Variants in PCBP3 observed in about 807,000 individuals in gnomAD.
PCBP3 encodes the protein poly(rC) binding protein 3, also known as poly(rC)-binding protein 3.
In PCBP3, 25 loss-of-function variants were observed where a neutral mutation model predicts 52.7. That is an observed-to-expected ratio of 0.47 (90% CI 0.35 to 0.66). The LOEUF is 0.66. Among genes scored for constraint, PCBP3 ranks in the 30% least tolerant of loss-of-function variants. PCBP3 has a pLI of 0.01. For missense variants in PCBP3, 391 were observed against 490.3 expected (o/e 0.80, Z 1.91); for synonymous variants, 162 against 183.0 (o/e 0.89, Z 0.93).
intron 4 of PCBP3, among the ~76,000 whole-genome samples, chr21:45,770,275 T>C (rs1000623137): frequency 5.9e-5 from 9 of 152,260 alleles, no homozygotes; most frequent in African/African-American, 2.2e-4. Flanking sequence ...CTAGACTTTA[T>C]CTAAAGCTAT....
rs1466741394 is a variant in PCBP3 at position 45,880,727 on chromosome 21, G to T, written c.11-15481G>T. 6.6e-6 allele frequency among the ~76,000 whole-genome samples: 1 copy of T among 152,156 alleles called. No homozygotes were observed. Among genetic ancestry groups the T allele is most frequent in the Non-Finnish European group, 1.5e-5 (1 of 68,042 alleles). On this transcript the variant is annotated intron_variant, in intron 5 of 17. Transcript: ENST00000681687. The surrounding 1 kb of genome is among the most constrained non-coding windows in gnomAD (Gnocchi z 5.4). ...CAGGGCCAGGAGAGACGGGGTTGTA[G>T]GTACAGCCTGGTAGGCAATACCCTC...
At chr21:45,770,824 G>A (rs2089805063) in intron 4 of PCBP3, among the ~76,000 whole-genome samples, 1 of 152,224 alleles carries the variant, frequency 6.6e-6, no homozygotes, top group Non-Finnish European at 1.5e-5. Context: ...AGCCTCTGCA[G>A]CCATGTATCC....
chr21:45,655,288 G>A (rs182855338), intron 1 of PCBP3, among the ~76,000 whole-genome samples: 2 of 151,520 alleles, frequency 1.3e-5, no homozygotes, highest in East Asian at 2.0e-4. Flanking sequence ...ATTGTTTCCC[G>A]AAGATGCTGC....
intron 2 of PCBP3, among the ~76,000 whole-genome samples, chr21:45,683,096 C>T (rs1007752702): frequency 6.6e-6 from 1 of 152,002 alleles, no homozygotes; most frequent in African/African-American, 2.4e-5. Context: ...GAGGTATATC[C>T]TAGAAGCCAA....
At position 45,691,456 on chromosome 21, in the gene PCBP3, ATGTGTG is replaced by A. The variant is rs60311432; in HGVS notation, c.-200+22520_-200+22525del. 1.6e-3 allele frequency among the ~76,000 whole-genome samples: 227 copies of A among 142,362 alleles called. 1 individual carries two copies. The highest frequency in any genetic ancestry group is 3.3e-3 in the African/African-American group (125 of 38,102). The allele number at this position is 142,362 out of a possible 152,430, so 93.4% of individuals were successfully genotyped here. A position where few individuals can be genotyped will look rare whatever the true frequency, so the allele number is the denominator to read the frequency against. ...ATATATCATATATATGTATGTATGT[ATGTGTG>A]TGTGTGTGTGTGTGTATATACATCA... On this transcript the variant is annotated intron_variant, in intron 2 of 17. Coordinates refer to ENST00000681687, the MANE Select transcript of PCBP3 (RefSeq NM_001384156.1).
chr21:45,831,716 A>AGTTT (rs1020540895), intron 4 of PCBP3, among the ~76,000 whole-genome samples: 4 of 151,650 alleles, frequency 2.6e-5, no homozygotes, highest in Non-Finnish European at 4.4e-5. Context: ...TTAGTTAGTT[A>AGTTT]GTTTGTTTAT....
intron 5 of PCBP3, among the ~76,000 whole-genome samples, chr21:45,873,652 C>T (rs2095128201): frequency 1.3e-5 from 2 of 152,214 alleles, no homozygotes; most frequent in Admixed American, 1.3e-4. Flanking sequence ...ATTTTATTCA[C>T]CTGCCCGTGC....
intron 4 of PCBP3, among the ~76,000 whole-genome samples, chr21:45,816,827 C>G (rs2092979269): frequency 6.6e-6 from 1 of 151,492 alleles, no homozygotes; most frequent in African/African-American, 2.4e-5. Context: ...GTAACACCAT[C>G]GTTTATTATC....
In PCBP3 at chr21:45,781,294, T is replaced by C. The variant is rs1052424555; in HGVS notation, c.-126+25842T>C. On this transcript the variant is annotated intron_variant, in intron 4 of 17. Coordinates refer to ENST00000681687, the MANE Select transcript of PCBP3 (RefSeq NM_001384156.1). ...AATCACATATCTAATGTATCTAACA[T>C]GTGTAAAGAACTCTTAAAATGCAGT... 2.6e-5 allele frequency among the ~76,000 whole-genome samples: 4 copies of C among 152,236 alleles called. No homozygotes were observed. The South Asian group carries it at 8.3e-4, about 32-fold the overall frequency.
intron 1 of PCBP3, among the ~76,000 whole-genome samples, chr21:45,648,866 A>G (rs765314738): frequency 6.6e-6 from 1 of 152,176 alleles, no homozygotes; most frequent in Non-Finnish European, 1.5e-5. Context: ...GAAGTTCTTT[A>G]CATATTCTGG....
chr21:45,794,133 T>G, intron 4 of PCBP3, among the ~76,000 whole-genome samples: 1 of 152,132 alleles, frequency 6.6e-6, no homozygotes, highest in East Asian at 1.9e-4. Flanking sequence ...AACTTCAGGG[T>G]TTTTTTCAGG....
At chr21:45,870,722 T>C (rs1053494174) in intron 5 of PCBP3, 2 of 152,712 alleles carry the variant, frequency 1.3e-5, no homozygotes, top group Admixed American at 6.5e-5. Flanking sequence ...CACGCGACCG[T>C]GGGCCAAGCC....
intron 4 of PCBP3, among the ~76,000 whole-genome samples, chr21:45,785,222 C>T (rs375395214): frequency 9.9e-5 from 15 of 151,686 alleles, no homozygotes; most frequent in Middle Eastern, 3.4e-3. Context: ...CCCCTCCGCC[C>T]GGCAGCCACC....
At chr21:45,896,888 C>T (rs9979849) in intron 6 of PCBP3, among the ~76,000 whole-genome samples, 4,160 of 26,140 alleles carry the variant, frequency 0.16, 197 homozygotes, top group East Asian at 0.38. Flanking sequence ...CACATAGAAC[C>T]GGAGATGCAC....
intron 5 of PCBP3, among the ~76,000 whole-genome samples, chr21:45,854,798 T>G (rs1181518440): frequency 6.6e-6 from 1 of 152,204 alleles, no homozygotes; most frequent in East Asian, 1.9e-4. Context: ...AGATGCTCTT[T>G]GATGAGACTG....
In PCBP3 at chr21:45,875,060, C is replaced by G. The variant is rs115913203; in HGVS notation, c.11-21148C>G. Among the ~76,000 whole-genome samples, 1,414 of 152,370 alleles carry G rather than the reference C, an allele frequency of 9.3e-3. 22 individuals are homozygous for G. Among genetic ancestry groups the G allele is most frequent in the African/African-American group, 0.032 (1,339 of 41,602 alleles). On this transcript the variant is annotated intron_variant, in intron 5 of 17. Coordinates refer to ENST00000681687, the MANE Select transcript of PCBP3 (RefSeq NM_001384156.1). ...TCCTCACAAAGCCAGTCACTGAGCC[C>G]GAGCAGCGCGGTCGCCCCTGACGCG...
At chr21:45,930,156 G>A (rs561123940) in intron 14 of PCBP3, among the ~76,000 whole-genome samples, 161 bp downstream of exon 14, 3 of 151,828 alleles carry the variant, frequency 2.0e-5, no homozygotes, top group Non-Finnish European at 2.9e-5. Context: ...GGCTGGGGCC[G>A]GGGACAGGGT....
At chr21:45,651,351 T>A (rs1407368035) in intron 1 of PCBP3, among the ~76,000 whole-genome samples, 2 of 152,208 alleles carry the variant, frequency 1.3e-5, no homozygotes, top group Admixed American at 1.3e-4. Context: ...AATACAAATG[T>A]TTTGTGTAGA....
intron 2 of PCBP3, among the ~76,000 whole-genome samples, chr21:45,674,888 C>G (rs377452367): frequency 1.3e-5 from 2 of 152,148 alleles, no homozygotes; most frequent in African/African-American, 4.8e-5. Flanking sequence ...CATGACTTCC[C>G]CCTTCCCTGG....
Sources: allele counts gnomAD v4.1 joint callset (sites outside exome capture counted in the v4.1 genomes callset), GRCh38; gene constraint gnomAD v4.1.1; non-coding constraint Gnocchi (gnomAD v3.1); transcripts MANE v1.5; gene names NCBI Gene and HGNC (gene_info 2026-07-23, HGNC 2026-07-21).